MTMR2: variants seen among roughly 807,000 people sequenced by gnomAD.
The protein encoded by MTMR2 is myotubularin related protein 2.
A neutral mutation model predicts 86.9 loss-of-function variants in MTMR2; 55 were observed. The observed-to-expected ratio is 0.63, with a 90% confidence interval of 0.51 to 0.79. The LOEUF is 0.79. Among genes scored for constraint, MTMR2 ranks in the 30% least tolerant of loss-of-function variants. MTMR2 has a pLI of 0.00. For synonymous variants in MTMR2, 241 were observed against 266.8 expected, an observed-to-expected ratio of 0.90 and a Z score of 0.94; for missense variants, 659 against 772.3, an observed-to-expected ratio of 0.85 and a Z score of 1.74.
intron 1 of MTMR2, among the ~76,000 whole-genome samples, chr11:95,890,471 A>C (rs1381129584): frequency 6.6e-6 from 1 of 152,170 alleles, no homozygotes; most frequent in African/African-American, 2.4e-5. Context: ...CACGTGAGTC[A>C]ATTCCAGTCA....
At chr11:95,859,825 T>A (rs980227775) in intron 5 of MTMR2, among the ~76,000 whole-genome samples, 1 of 152,224 alleles carries the variant, frequency 6.6e-6, no homozygotes, top group Non-Finnish European at 1.5e-5. Context: ...AATACATAAG[T>A]AAGACAGTAT....
chr11:95,865,930 T>G (rs761244449), intron 2 of MTMR2, among the ~76,000 whole-genome samples: 3 of 152,222 alleles, frequency 2.0e-5, no homozygotes, highest in Non-Finnish European at 4.4e-5. Context: ...TACATGTTTT[T>G]GCACTGCATC....
Position 95,857,265 on chromosome 11 carries a change from C to T in MTMR2, c.654+287G>A, listed in dbSNP as rs191112870. On this transcript the variant is annotated intron_variant, in intron 7 of 14. Transcript: ENST00000346299. The stretch of plus-strand genomic sequence containing the variant: ...AAATAATCAATATGTCTTAAATTCT[C>T]AAGAAAGCATAGTGGACAGGAGGAA... 7.2e-3 allele frequency among the ~76,000 whole-genome samples: 1,102 copies of T among 152,052 alleles called. 6 individuals carry two copies. Among genetic ancestry groups the T allele is most frequent in the Non-Finnish European group, 0.011 (726 of 67,906 alleles).
In MTMR2 at chr11:95,850,803, G is replaced by A. The variant is rs374041230; in HGVS notation, c.655-54C>T. The A allele has an allele frequency of 3.3e-6, 5 of 1,522,074 alleles. No individual in the cohort carries two copies. In the South Asian group the frequency reaches 3.4e-5, roughly 10 times the overall value. The allele number at this position is 1,522,074 out of a possible 1,614,324, so 94.3% of individuals were successfully genotyped here. On this transcript the variant is annotated intron_variant, in intron 7 of 14. Transcript: ENST00000346299. The stretch of plus-strand genomic sequence containing the variant: ...TTACTATATAACTAAAATATTAAAC[G>A]ACACCAGGACAGAAGCCATCCTGTT...
chr11:95,838,283 T>C, intron 12 of MTMR2, 76 bp from the exon 13 acceptor site: 1 of 805,086 alleles, frequency 1.2e-6, no homozygotes, highest in Non-Finnish European at 2.2e-6. Flanking sequence ...GGTAGATCCT[T>C]TTGAGGTAGT....
intron 2 of MTMR2, among the ~76,000 whole-genome samples, chr11:95,866,871 G>T (rs1450816941): frequency 4.6e-5 from 7 of 151,280 alleles, no homozygotes; most frequent in Non-Finnish European, 1.0e-4. Flanking sequence ...CTTAGGCAAG[G>T]TTTTCAACTT....
chr11:95,837,316 G>GTGAT (rs1201951222), intron 13 of MTMR2, among the ~76,000 whole-genome samples: 2 of 152,042 alleles, frequency 1.3e-5, no homozygotes. Flanking sequence ...GTTACAGTAA[G>GTGAT]TGATAGATCC....
intron 2 of MTMR2, among the ~76,000 whole-genome samples, chr11:95,879,705 A>G (rs569699996): frequency 3.3e-5 from 5 of 152,234 alleles, no homozygotes; most frequent in Middle Eastern, 3.4e-3. Context: ...TGAAAAACAA[A>G]TGGAGATGCA....
intron 2 of MTMR2, among the ~76,000 whole-genome samples, chr11:95,871,911 A>G (rs1333293321): frequency 6.6e-6 from 1 of 152,116 alleles, no homozygotes; most frequent in African/African-American, 2.4e-5. Flanking sequence ...TAATTTTTGT[A>G]TAAGGTGTAA....
At chr11:95,854,300 T>C (rs1455533961) in intron 7 of MTMR2, among the ~76,000 whole-genome samples, 1 of 152,162 alleles carries the variant, frequency 6.6e-6, no homozygotes, top group Non-Finnish European at 1.5e-5. Flanking sequence ...CAGGGTCAAG[T>C]TTATTATACA....
At chr11:95,861,946 A>G (rs201857048) in intron 5 of MTMR2, 46 bp downstream of exon 5, 17 of 1,371,288 alleles carry the variant, frequency 1.2e-5, no homozygotes, top group Admixed American at 5.2e-5. Flanking sequence ...ATTTAATACA[A>G]AGCTTTTCAA....
chr11:95,909,438 CCCTTTTAA>C (rs1866415918), intron 1 of MTMR2, among the ~76,000 whole-genome samples: 1 of 152,146 alleles, frequency 6.6e-6, no homozygotes, highest in African/African-American at 2.4e-5. Context: ...TTATAAGAAT[CCCTTTTAA>C]TGCTGCAAAG....
intron 1 of MTMR2, among the ~76,000 whole-genome samples, chr11:95,910,114 C>CGCACGCAT (rs1866439933): frequency 7.1e-6 from 1 of 141,588 alleles, no homozygotes; most frequent in Non-Finnish European, 1.6e-5. Flanking sequence ...CACACACACA[C>CGCACGCAT]GCACGCATGC....
intron 12 of MTMR2, chr11:95,840,105 C>T (rs942452323): frequency 6.6e-6 from 1 of 152,136 alleles, no homozygotes; most frequent in African/African-American, 2.4e-5. Context: ...TGGGTGCATT[C>T]AGGGTGGTTG....
intron 2 of MTMR2, among the ~76,000 whole-genome samples, chr11:95,871,115 T>C (rs1178363196): frequency 1.3e-5 from 2 of 152,230 alleles, no homozygotes; most frequent in East Asian, 3.8e-4. Context: ...ATGTGCCACA[T>C]TTTCTGAATC....
chr11:95,840,846 AAAT>A (rs1262737618), intron 12 of MTMR2, among the ~76,000 whole-genome samples: 2 of 152,164 alleles, frequency 1.3e-5, no homozygotes, highest in Non-Finnish European at 2.9e-5. Flanking sequence ...ATGGCAATCT[AAAT>A]AAAAACAATT....
At chr11:95,851,126 G>A (rs991629624) in intron 7 of MTMR2, among the ~76,000 whole-genome samples, 15 of 136,256 alleles carry the variant, frequency 1.1e-4, no homozygotes, top group African/African-American at 3.2e-4. Context: ...GCAATGGTGC[G>A]ATCTCAGCGC....
At chr11:95,885,120 G>A (rs1356250071) in intron 2 of MTMR2, among the ~76,000 whole-genome samples, 1 of 152,066 alleles carries the variant, frequency 6.6e-6, no homozygotes, top group Non-Finnish European at 1.5e-5. Context: ...AAATTTGACA[G>A]ACTCCCTTTG....
intron 2 of MTMR2, among the ~76,000 whole-genome samples, chr11:95,877,719 G>T (rs988751581): frequency 6.6e-6 from 1 of 152,076 alleles, no homozygotes; most frequent in Non-Finnish European, 1.5e-5. Flanking sequence ...CCCATGAAGA[G>T]GGAAGCAGAG....
Sources: gnomAD v4.1 joint callset for allele counts (sites outside exome capture counted in the v4.1 genomes callset) on GRCh38, gnomAD v4.1.1 for gene constraint, MANE v1.5 for transcripts, NCBI Gene and HGNC (gene_info 2026-07-23, HGNC 2026-07-21) for gene names.